ZNF430: variants seen among roughly 807,000 people sequenced by gnomAD.
ZNF430 encodes the protein zinc finger protein 430.
ZNF430 carries 35 observed loss-of-function variants against 56.7 expected under a neutral mutation model. That is an observed-to-expected ratio of 0.62 (90% CI 0.47 to 0.82). ZNF430 has a LOEUF of 0.82. Among genes scored for constraint, ZNF430 ranks in the 40% least tolerant of loss-of-function variants. The pLI is 0.00. For synonymous variants in ZNF430, 212 were observed against 224.3 expected (o/e 0.94, Z 0.49); for missense variants, 574 against 661.0 (o/e 0.87, Z 1.44).
intron 4 of ZNF430, among the ~76,000 whole-genome samples, chr19:21,044,872 G>A (rs1253696924): frequency 6.6e-6 from 1 of 152,076 alleles, no homozygotes; most frequent in Non-Finnish European, 1.5e-5. Context: ...GTGCATACAG[G>A]TGTTTATAGT....
In ZNF430 at chr19:21,034,306, T is replaced by G. The variant is rs868491192; in HGVS notation, c.322+122T>G. 2.7e-5 allele frequency: 15 copies of G among 546,674 alleles called. No individual in the cohort carries two copies. In the South Asian group the frequency reaches 4.5e-4, roughly 16 times the overall value. The allele number at this position is 546,674 out of a possible 1,614,324, so 33.9% of individuals were successfully genotyped here. ...GCAAATATTTTCTGGGAAGCCTGAG[T>G]TTTTTTTTTTAATTTTGCCCTCGCA... On this transcript the variant is annotated intron_variant, in intron 4 of 4. Coordinates refer to ENST00000261560, the MANE Select transcript of ZNF430 (RefSeq NM_025189.4).
At chr19:21,025,762 CTTTT>C (rs35823197) in intron 2 of ZNF430, among the ~76,000 whole-genome samples, 21 of 128,978 alleles carry the variant, frequency 1.6e-4, no homozygotes, top group Non-Finnish European at 3.1e-4. Context: ...AATTTTTGTA[CTTTT>C]TTTTTTTTTT....
intron 4 of ZNF430, chr19:21,034,987 T>G (rs1967972305): frequency 6.6e-6 from 1 of 152,234 alleles, no homozygotes; most frequent in Non-Finnish European, 1.5e-5. Flanking sequence ...AGTTTGAAAT[T>G]ATAAAGCATC....
chr19:21,025,938 C>A (rs1339319064), intron 2 of ZNF430: 2 of 421,736 alleles, frequency 4.7e-6, no homozygotes, highest in South Asian at 2.0e-5. Context: ...AAGTTTCTGT[C>A]ATTGAGAACA....
At chr19:21,054,016 CAGTTACAT>C (rs1186162769) in intron 4 of ZNF430, among the ~76,000 whole-genome samples, 1 of 151,856 alleles carries the variant, frequency 6.6e-6, no homozygotes, top group Non-Finnish European at 1.5e-5. Flanking sequence ...AAAAAAACTT[CAGTTACAT>C]GCAAATATTT....
chr19:21,051,708 C>G (rs528930315), intron 4 of ZNF430, among the ~76,000 whole-genome samples: 1 of 152,130 alleles, frequency 6.6e-6, no homozygotes, highest in Non-Finnish European at 1.5e-5. Context: ...CCTGGATGGT[C>G]TCGATCTCTT....
At chr19:21,028,688 G>GT (rs1018619042) in intron 2 of ZNF430, among the ~76,000 whole-genome samples, 44 of 151,716 alleles carry the variant, frequency 2.9e-4, no homozygotes, top group South Asian at 1.3e-3. Context: ...TTTTTTTAGG[G>GT]TTTTTTTTCT....
intron 4 of ZNF430, among the ~76,000 whole-genome samples, chr19:21,052,360 C>T (rs796097900): frequency 6.6e-6 from 1 of 151,620 alleles, no homozygotes; most frequent in Non-Finnish European, 1.5e-5. Context: ...CAAGTCCTCT[C>T]TTTACTTACT....
chr19:21,024,779 TAA>T (rs879271275), intron 2 of ZNF430, among the ~76,000 whole-genome samples: 7 of 138,866 alleles, frequency 5.0e-5, no homozygotes, highest in Non-Finnish European at 7.9e-5. Flanking sequence ...GATTCCATCT[TAA>T]AAAAAAAAAA....
intron 4 of ZNF430, among the ~76,000 whole-genome samples, chr19:21,037,114 T>C (rs1434501791): frequency 2.0e-5 from 3 of 149,752 alleles, no homozygotes; most frequent in Non-Finnish European, 4.5e-5. Flanking sequence ...AGATTTTCTT[T>C]TTTTTTTTTT....
chr19:21,041,172 A>G (rs1001753262), intron 4 of ZNF430, among the ~76,000 whole-genome samples: 2 of 152,134 alleles, frequency 1.3e-5, no homozygotes, highest in African/African-American at 4.8e-5. Flanking sequence ...CTGTCAACCA[A>G]GCTGGTTTGC....
intron 2 of ZNF430, among the ~76,000 whole-genome samples, chr19:21,030,724 A>T (rs1205522759): frequency 6.6e-6 from 1 of 152,086 alleles, no homozygotes; most frequent in Non-Finnish European, 1.5e-5. Context: ...ATTGACAGGG[A>T]ACTTGTTTGA....
intron 2 of ZNF430, among the ~76,000 whole-genome samples, chr19:21,029,051 A>C (rs1176164400): frequency 3.3e-5 from 5 of 152,184 alleles, no homozygotes; most frequent in African/African-American, 1.2e-4. Flanking sequence ...GAGTTTCTCA[A>C]GTTTCCTGAT....
chr19:21,048,793 C>T (rs10425841), intron 4 of ZNF430, among the ~76,000 whole-genome samples: 18,203 of 151,924 alleles, frequency 0.12, 1,352 homozygotes, highest in African/African-American at 0.21. Context: ...CCGGACGGGG[C>T]GGCTGGCCGG....
chr19:21,033,344 C>A, intron 2 of ZNF430, 112 bp from the exon 3 acceptor site: 1 of 1,391,636 alleles, frequency 7.2e-7, no homozygotes. Flanking sequence ...GTCATTCCTG[C>A]AAATCAGAAC....
chr19:21,020,809 A>G lies in ZNF430; in HGVS notation c.3+6A>G. ...CCCCTGGAAGCCTAGAAATGGTGAG[A>G]GTGCCGGGTCCGACATCCCCAGAGA... On this transcript the variant is annotated splice_donor_region_variant and intron_variant, in intron 1 of 4. Transcript: ENST00000261560. 1.2e-6 allele frequency: 2 copies of G among 1,613,838 alleles called. No homozygotes were observed. Among genetic ancestry groups the G allele is most frequent in the Non-Finnish European group, 1.7e-6 (2 of 1,179,838 alleles).
chr19:21,056,794 T>G lies in ZNF430; in HGVS notation c.486T>G (p.Tyr162Ter). The change falls in exon 5 of 5, where the codon TAT becomes TAG. Residue 162 changes from tyrosine (Y) to a stop codon, truncating the protein, a stop_gained. Coordinates refer to ENST00000261560, the MANE Select transcript of ZNF430 (RefSeq NM_025189.4). LOFTEE classifies it high-confidence loss of function. Reference protein sequence around the residue: ...VDECNLHKECYDELNQCLTTT... With the variant: ...VDECNLHKEC ...AGTGTAATCTGCACAAAGAATGTTA[T>G]GATGAACTAAACCAGTGTTTGACAA... 2 of 1,613,950 alleles carry G rather than the reference T, an allele frequency of 1.2e-6. No individual in the cohort carries two copies. The highest frequency in any genetic ancestry group is 1.3e-5 in the African/African-American group (1 of 75,050).
chr19:21,034,238 A>G (rs765162341), intron 4 of ZNF430, 54 bp downstream of exon 4: 6 of 1,208,910 alleles, frequency 5.0e-6, no homozygotes, highest in Non-Finnish European at 7.0e-6. Context: ...AAAAAAGAAG[A>G]AAGCCAATGC....
At chr19:21,049,779 AG>A (rs1358811445) in intron 4 of ZNF430, among the ~76,000 whole-genome samples, 1 of 152,090 alleles carries the variant, frequency 6.6e-6, no homozygotes, top group Non-Finnish European at 1.5e-5. Context: ...AATTTAGGAA[AG>A]TCTGTATTTT....
Sources: allele counts gnomAD v4.1 joint callset (sites outside exome capture counted in the v4.1 genomes callset), GRCh38; gene constraint gnomAD v4.1.1; transcripts MANE v1.5; gene names NCBI Gene and HGNC (gene_info 2026-07-23, HGNC 2026-07-21).